Variants in NFKB1 observed in about 807,000 individuals in gnomAD.
NFKB1 encodes the protein nuclear factor NF-kappa-B p105 subunit.
NFKB1 carries 9 observed loss-of-function variants against 105.1 expected under a neutral mutation model. The observed-to-expected ratio is 0.09, with a 90% confidence interval of 0.05 to 0.15. The LOEUF (loss-of-function observed/expected upper bound fraction) is 0.15, where lower values mean the gene tolerates loss of function less well. Among genes scored for constraint, NFKB1 ranks in the 10% least tolerant of loss-of-function variants. The probability of loss-of-function intolerance (pLI) is 1.00; values close to 1 mark genes in which losing one functional copy is unlikely to be tolerated. For missense variants in NFKB1, 830 were observed against 1,203.7 expected, an observed-to-expected ratio of 0.69 and a Z score of 4.59; for synonymous variants, 440 against 442.2, an observed-to-expected ratio of 1.00 and a Z score of 0.06.
intron 6 of NFKB1, among the ~76,000 whole-genome samples, chr4:102,572,920 T>C (rs1724506979): frequency 6.6e-6 from 1 of 152,234 alleles, no homozygotes; most frequent in South Asian, 2.1e-4. Flanking sequence ...ATTATACTGC[T>C]GATCTGATGC....
rs1410266677 is a variant in NFKB1, at chr4:102,537,944, C to T, written c.246C>T (p.Tyr82=). The T allele has an allele frequency of 6.2e-7, 1 of 1,604,230 alleles. No individual in the cohort carries two copies. Among genetic ancestry groups the T allele is most frequent in the Non-Finnish European group, 8.5e-7 (1 of 1,171,432 alleles). Residue 82 remains tyrosine, a synonymous_variant, in exon 5 of 24, where the codon TAC becomes TAT. Coordinates refer to ENST00000226574, the MANE Select transcript of NFKB1 (RefSeq NM_003998.4). ...CTAGTGAAAAGAACAAGAAGTCTTACCCTCAGGTCAAAGTAAGTTTGTGGT... is the reference window on the plus strand; with the variant it reads ...CTAGTGAAAAGAACAAGAAGTCTTATCCTCAGGTCAAAGTAAGTTTGTGGT... ...GASSEKNKKS[Y]PQVKICNYVG...
intron 6 of NFKB1, among the ~76,000 whole-genome samples, chr4:102,568,049 C>G (rs1724018485): frequency 6.6e-6 from 1 of 151,852 alleles, no homozygotes; most frequent in Non-Finnish European, 1.5e-5. Flanking sequence ...TGCTGAAATC[C>G]CAGTTAATCT....
chr4:102,582,559 T>C (rs1725396423), intron 9 of NFKB1, among the ~76,000 whole-genome samples: 1 of 152,196 alleles, frequency 6.6e-6, no homozygotes, highest in African/African-American at 2.4e-5. Flanking sequence ...TCCACCATCG[T>C]TCGTGTTTCT....
intron 14 of NFKB1, 143 bp from the exon 15 acceptor site, chr4:102,597,377 A>G: frequency 1.2e-6 from 1 of 839,818 alleles, no homozygotes. Flanking sequence ...CACACAATCC[A>G]AAAGCATTGA....
intron 8 of NFKB1, among the ~76,000 whole-genome samples, chr4:102,579,252 T>G (rs749943220): frequency 6.6e-6 from 1 of 152,156 alleles, no homozygotes; most frequent in Non-Finnish European, 1.5e-5. Context: ...CATGTAATTC[T>G]TTTTCCTTTG....
At position 102,613,403 on chromosome 4, in the gene NFKB1, C is replaced by A. The variant is rs3817685; in HGVS notation, c.2593-22C>A. ...GGGACTCGAACACAAGAACATGCTC[C>A]TCCTTCCTTTCTTTCTCACAGGTCT... On this transcript the variant is annotated intron_variant, in intron 22 of 23. Coordinates refer to ENST00000226574, the MANE Select transcript of NFKB1 (RefSeq NM_003998.4). 27 of 1,610,512 alleles carry A rather than the reference C, an allele frequency of 1.7e-5. No individual in the cohort carries two copies. The East Asian group carries it at 4.2e-4, about 25-fold the overall frequency.
At chr4:102,512,874 A>G (rs894334335) in intron 1 of NFKB1, among the ~76,000 whole-genome samples, 3 of 152,238 alleles carry the variant, frequency 2.0e-5, no homozygotes, top group African/African-American at 7.2e-5. Flanking sequence ...TTAAAACATA[A>G]AGGACATATT....
intron 6 of NFKB1, among the ~76,000 whole-genome samples, chr4:102,574,125 C>CTTTTTTT (rs56977004): frequency 2.1e-4 from 20 of 93,216 alleles, no homozygotes; most frequent in Middle Eastern, 0.011. Context: ...TCTTGGATTC[C>CTTTTTTT]TTTTTTTTTT....
At chr4:102,585,637 T>C (rs1486200844) in intron 11 of NFKB1, among the ~76,000 whole-genome samples, 1 of 152,220 alleles carries the variant, frequency 6.6e-6, no homozygotes, top group Non-Finnish European at 1.5e-5. Flanking sequence ...TAAATAGTTA[T>C]AATGTAAATT....
intron 5 of NFKB1, among the ~76,000 whole-genome samples, chr4:102,566,761 G>A (rs1723908208): frequency 6.6e-6 from 1 of 152,098 alleles, no homozygotes; most frequent in African/African-American, 2.4e-5. Flanking sequence ...CCTGCTTCTT[G>A]GAGTGTATCT....
chr4:102,596,165 ACC>A lies in NFKB1; in HGVS notation c.1330_1331del (p.Pro444Ter). On this transcript the variant is annotated frameshift_variant, in exon 14 of 24. Coordinates refer to ENST00000226574, the MANE Select transcript of NFKB1 (RefSeq NM_003998.4). LOFTEE classifies it high-confidence loss of function. ...ACCATGGACACTGAATCTAAAAAGG[ACC>A]CTGAAGGTTGTGACAAAAGTGATGA... 1.9e-6 allele frequency: 3 copies of A among 1,607,890 alleles called. No homozygotes were observed. The highest frequency in any genetic ancestry group is 2.6e-6 in the Non-Finnish European group (3 of 1,176,090).
chr4:102,584,344 T>G (rs1481945805), intron 10 of NFKB1, among the ~76,000 whole-genome samples: 1 of 152,222 alleles, frequency 6.6e-6, no homozygotes, highest in African/African-American at 2.4e-5. Context: ...TTGGAGGCTT[T>G]TAAGGCTGCT....
chr4:102,580,433 T>G (rs1725234283), intron 8 of NFKB1, 102 bp from the exon 9 acceptor site: 2 of 838,702 alleles, frequency 2.4e-6, no homozygotes, highest in East Asian at 5.1e-5. Flanking sequence ...GTATTTAAGC[T>G]TTGTTTTGGT....
In NFKB1 at chr4:102,550,783, A is replaced by T. The variant is rs888081360; in HGVS notation, c.258+12827A>T. 5.3e-5 allele frequency among the ~76,000 whole-genome samples: 8 copies of T among 152,158 alleles called. No individual in the cohort carries two copies. In the East Asian group the frequency reaches 1.5e-3, roughly 29 times the overall value. On this transcript the variant is annotated intron_variant, in intron 5 of 23. Transcript: ENST00000226574. ...TGTGTACAAAAGTTACTTGGATTAG[A>T]TTTTTTCCTTCTGTGTATTTATGTT...
At chr4:102,565,154 A>T (rs77403491) in intron 5 of NFKB1, among the ~76,000 whole-genome samples, 8 of 149,908 alleles carry the variant, frequency 5.3e-5, no homozygotes, top group African/African-American at 1.7e-4. Flanking sequence ...TTTTTTTTTT[A>T]AATGTTATAC....
At chr4:102,546,584 CTT>C (rs1722158234) in intron 5 of NFKB1, among the ~76,000 whole-genome samples, 1 of 152,064 alleles carries the variant, frequency 6.6e-6, no homozygotes, top group Admixed American at 6.6e-5. Flanking sequence ...CAAAAGAAAA[CTT>C]TGGGAAAACA....
At chr4:102,521,977 T>G (rs1740604853) in intron 1 of NFKB1, among the ~76,000 whole-genome samples, 1 of 152,206 alleles carries the variant, frequency 6.6e-6, no homozygotes, top group Non-Finnish European at 1.5e-5. Flanking sequence ...ACCTCACTAC[T>G]GGGAAAAGAG....
At chr4:102,530,442 A>G (rs1256921534) in intron 3 of NFKB1, among the ~76,000 whole-genome samples, 2 of 152,074 alleles carry the variant, frequency 1.3e-5, no homozygotes, top group African/African-American at 4.8e-5. Context: ...AATTGTGCCG[A>G]TTGGCAACTG....
At chr4:102,578,649 G>A (rs903313996) in intron 7 of NFKB1, 8 of 523,104 alleles carry the variant, frequency 1.5e-5, no homozygotes, top group South Asian at 1.3e-4. Flanking sequence ...TCTGATACAC[G>A]GAAGAGAGTT....
Sources: gnomAD v4.1 joint callset for allele counts (sites outside exome capture counted in the v4.1 genomes callset) on GRCh38, gnomAD v4.1.1 for gene constraint, MANE v1.5 for transcripts, NCBI Gene and HGNC (gene_info 2026-07-23, HGNC 2026-07-21) for gene names.